The following TRIP11 variants were observed in gnomAD, a reference collection of about 807,000 sequenced individuals.
TRIP11 encodes the protein thyroid hormone receptor interactor 11.
In TRIP11, 148 loss-of-function variants were observed where a neutral mutation model predicts 223.1. The observed-to-expected ratio is 0.66, with a 90% confidence interval of 0.58 to 0.76. The LOEUF (loss-of-function observed/expected upper bound fraction) is 0.76, where lower values mean the gene tolerates loss of function less well. TRIP11 is among the 30% of genes least tolerant of loss of function. TRIP11 has a pLI of 0.00. For synonymous variants in TRIP11, 762 were observed against 772.6 expected (o/e 0.99, Z 0.23); for missense variants, 2,043 against 2,222.0 (o/e 0.92, Z 1.62).
intron 2 of TRIP11, among the ~76,000 whole-genome samples, chr14:92,032,703 T>C: frequency 6.6e-6 from 1 of 151,758 alleles, no homozygotes; most frequent in East Asian, 1.9e-4. Context: ...TGTGGTAGCG[T>C]GCACCTGTAG....
At chr14:91,986,571 A>C (rs929721885) in intron 16 of TRIP11, among the ~76,000 whole-genome samples, 1 of 152,238 alleles carries the variant, frequency 6.6e-6, no homozygotes, top group Non-Finnish European at 1.5e-5. Context: ...TTTTAAATTT[A>C]CCATCAACTA....
chr14:92,017,706 T>C lies in TRIP11; in HGVS notation c.633A>G (p.Ile211Met), dbSNP rs2140133290. ...QGTDNSDQSEICKLQNIIKEL... is the reference protein window; with the variant it reads ...QGTDNSDQSEMCKLQNIIKEL... The stretch of plus-strand genomic sequence containing the variant: ...CCTTAATGATATTTTGTAGTTTACA[T>C]ATTTCACTTTGATCAGAGTTATCTG... The change falls in exon 5 of 21, where the codon ATA becomes ATG. Residue 211 changes from isoleucine to methionine, a missense_variant. By Grantham distance (10) the Ile-to-Met change is conservative. Coordinates refer to ENST00000267622, the MANE Select transcript of TRIP11 (RefSeq NM_004239.4). The C allele has an allele frequency of 1.2e-6, 2 of 1,612,734 alleles. No individual in the cohort carries two copies. The highest frequency in any genetic ancestry group is 1.7e-6 in the Non-Finnish European group (2 of 1,179,242).
intron 17 of TRIP11, among the ~76,000 whole-genome samples, chr14:91,975,595 G>A (rs2056453863): frequency 6.6e-6 from 1 of 152,010 alleles, no homozygotes; most frequent in Admixed American, 6.6e-5. Context: ...GCTCCTGACT[G>A]GGCTAATGTT....
Position 92,004,267 on chromosome 14 carries a change from G to T in TRIP11, c.3709C>A (p.His1237Asn). 1 of 1,614,114 alleles carries T rather than the reference G, an allele frequency of 6.2e-7. No homozygotes were observed. Among genetic ancestry groups the T allele is most frequent in the Non-Finnish European group, 8.5e-7 (1 of 1,180,022 alleles). The change falls in exon 11 of 21, where the codon CAC (histidine) becomes AAC (asparagine). Residue 1237 changes from histidine (H) to asparagine (N), a missense_variant. By Grantham distance (68) the His-to-Asn change is moderately conservative (BLOSUM62 1). Coordinates refer to ENST00000267622, the MANE Select transcript of TRIP11 (RefSeq NM_004239.4). ...QVMTTVQNMQ[H>N]ESAQLQEELH... is the part of the protein sequence containing the mutation. ...TCTTCCTGAAGCTGGGCTGACTCGTGTTGCATATTTTGTACTGTGGTCATC... is the reference window on the plus strand; with the variant it reads ...TCTTCCTGAAGCTGGGCTGACTCGTTTTGCATATTTTGTACTGTGGTCATC...
chr14:91,972,039 C>A (rs1451038862), intron 20 of TRIP11, among the ~76,000 whole-genome samples: 1 of 152,140 alleles, frequency 6.6e-6, no homozygotes, highest in Non-Finnish European at 1.5e-5. Flanking sequence ...TATAGTCCAA[C>A]AGATTATAAT....
At chr14:92,026,151 G>A (rs998674558) in intron 2 of TRIP11, among the ~76,000 whole-genome samples, 7 of 152,136 alleles carry the variant, frequency 4.6e-5, no homozygotes, top group African/African-American at 1.7e-4. Flanking sequence ...GTACAGGGAG[G>A]AGGCTAAAAT....
chr14:92,032,103 A>C (rs2057273042), intron 2 of TRIP11, among the ~76,000 whole-genome samples: 1 of 152,016 alleles, frequency 6.6e-6, no homozygotes, highest in African/African-American at 2.4e-5. Flanking sequence ...CCCAATCTAG[A>C]CCCTAATAAT....
chr14:92,001,987 C>G (rs1346364989), intron 11 of TRIP11, among the ~76,000 whole-genome samples: 1 of 152,190 alleles, frequency 6.6e-6, no homozygotes. Flanking sequence ...GGGAACCTAA[C>G]TGGCAAATGA....
intron 13 of TRIP11, among the ~76,000 whole-genome samples, chr14:91,996,427 A>G (rs1050728882): frequency 1.3e-5 from 2 of 152,218 alleles, no homozygotes; most frequent in African/African-American, 4.8e-5. Context: ...ATGTAATCCC[A>G]GCCCTTTGAG....
chr14:91,996,052 G>C (rs1010034305), intron 13 of TRIP11, among the ~76,000 whole-genome samples: 2 of 152,012 alleles, frequency 1.3e-5, no homozygotes, highest in African/African-American at 2.4e-5. Flanking sequence ...CAGTTCAGTG[G>C]CACTAAGTAC....
intron 1 of TRIP11, among the ~76,000 whole-genome samples, chr14:92,033,916 T>C (rs1455093536): frequency 6.6e-6 from 1 of 152,194 alleles, no homozygotes; most frequent in Non-Finnish European, 1.5e-5. Flanking sequence ...TTCCCTATTT[T>C]AGTGCACCTG....
At chr14:92,001,042 G>A (rs1020626554) in intron 11 of TRIP11, among the ~76,000 whole-genome samples, 1 of 151,786 alleles carries the variant, frequency 6.6e-6, no homozygotes, top group Non-Finnish European at 1.5e-5. Flanking sequence ...TGTATTTTTA[G>A]TAAAGACAGG....
intron 13 of TRIP11, among the ~76,000 whole-genome samples, chr14:91,996,065 T>A (rs1479793363): frequency 6.6e-6 from 1 of 152,206 alleles, no homozygotes; most frequent in Non-Finnish European, 1.5e-5. Context: ...CTAAGTACAT[T>A]CACACTGTTG....
At chr14:92,034,733 T>C (rs1288898109) in intron 1 of TRIP11, among the ~76,000 whole-genome samples, 2 of 152,152 alleles carry the variant, frequency 1.3e-5, no homozygotes, top group Admixed American at 1.3e-4. Flanking sequence ...CACTGTAGCC[T>C]CAAACTCTCT....
At chr14:91,990,472 C>T (rs971613472) in intron 15 of TRIP11, among the ~76,000 whole-genome samples, 1 of 152,030 alleles carries the variant, frequency 6.6e-6, no homozygotes, top group African/African-American at 2.4e-5. Flanking sequence ...GTATATTACA[C>T]TTTAAATTTT....
At chr14:92,016,663 C>G (rs977514771) in intron 5 of TRIP11, among the ~76,000 whole-genome samples, 6 of 152,106 alleles carry the variant, frequency 3.9e-5, no homozygotes, top group African/African-American at 1.4e-4. Flanking sequence ...TATAAATTAA[C>G]TTCTTACTTA....
rs755902728 is a variant in TRIP11, at chr14:92,006,399, T to C, written c.1577A>G (p.Asp526Gly). 4.3e-6 allele frequency: 7 copies of C among 1,613,206 alleles called. 1 individual carries two copies. Among genetic ancestry groups the C allele is most frequent in the South Asian group, 3.3e-5 (3 of 90,970 alleles). ...DQLSKQQNEGDSIISKLKQDL... is the reference protein window; with the variant it reads ...DQLSKQQNEGGSIISKLKQDL... Reference sequence around the variant, plus strand: ...TTGTTTCAGTTTACTGATGATGCTATCTCCTTCATTTTGTTGTTTTGATAG... The same window carrying C: ...TTGTTTCAGTTTACTGATGATGCTACCTCCTTCATTTTGTTGTTTTGATAG... The change falls in exon 11 of 21, where the codon GAT (aspartate) becomes GGT (glycine). Residue 526 changes from aspartate (D) to glycine (G), a missense_variant. By Grantham distance (94) the Asp-to-Gly change is moderately conservative. Coordinates refer to ENST00000267622, the MANE Select transcript of TRIP11 (RefSeq NM_004239.4).
rs768096635 is a variant in TRIP11, at chr14:92,014,311, C to A, written c.1090G>T (p.Ala364Ser). Residue 364 changes from alanine to serine, a missense_variant, in exon 7 of 21, where the codon GCT (alanine) becomes TCT (serine). Physicochemically the swap from Ala to Ser is moderately conservative, Grantham distance 99. Transcript: ENST00000267622. ...GTCATAGTATCACTTTGCTTCACAG[C>A]AGAAGGCTGCAATTTACTACATTCC... ...KLECSKLQPS[A>S]VKQSDTMTEK... 2.5e-6 allele frequency: 4 copies of A among 1,614,094 alleles called. No homozygotes were observed. The South Asian group carries it at 4.4e-5, about 18-fold the overall frequency.
intron 20 of TRIP11, 54 bp downstream of exon 20, chr14:91,972,663 A>G: frequency 1.3e-6 from 2 of 1,543,346 alleles, no homozygotes; most frequent in Non-Finnish European, 1.8e-6. Context: ...AAACATAATC[A>G]TACATTAAAC....
Sources: allele counts gnomAD v4.1 joint callset (sites outside exome capture counted in the v4.1 genomes callset), GRCh38; gene constraint gnomAD v4.1.1; transcripts MANE v1.5; gene names NCBI Gene and HGNC (gene_info 2026-07-23, HGNC 2026-07-21).